SASH1: variants seen among roughly 807,000 people sequenced by gnomAD.
SASH1 encodes SAM and SH3 domain-containing protein 1.
In SASH1, 44 loss-of-function variants were observed where a neutral mutation model predicts 125.2. The observed-to-expected ratio is 0.35, with a 90% CI of 0.28 to 0.45. The LOEUF (loss-of-function observed/expected upper bound fraction) is 0.45. Among genes scored for constraint, SASH1 ranks in the 20% least tolerant of loss-of-function variants. The probability of loss-of-function intolerance (pLI) is 1.00; values close to 1 mark genes in which losing one functional copy is unlikely to be tolerated. For missense variants in SASH1, 1,426 were observed against 1,614.5 expected, an observed-to-expected ratio of 0.88 and a Z score of 2.00; for synonymous variants, 639 against 649.1, an observed-to-expected ratio of 0.98 and a Z score of 0.24.
At chr6:148,318,622 G>C (rs1376076137) in intron 1 of SASH1, among the ~76,000 whole-genome samples, 2 of 129,164 alleles carry the variant, frequency 1.5e-5, no homozygotes, top group African/African-American at 5.1e-5. Context: ...GCATGATCTT[G>C]GCTCACTGCA....
chr6:148,415,770 T>A (rs1583117846), intron 2 of SASH1, among the ~76,000 whole-genome samples: 1 of 152,168 alleles, frequency 6.6e-6, no homozygotes, highest in Non-Finnish European at 1.5e-5. Context: ...CATCCATGGC[T>A]CTGTCATTGG....
chr6:148,377,200 AAAAAACAAAACAAAC>A (rs1562363216), intron 1 of SASH1, among the ~76,000 whole-genome samples: 668 of 145,210 alleles, frequency 4.6e-3, no homozygotes, highest in Non-Finnish European at 8.3e-3. Context: ...AAAAACAAAA[AAAAAACAAAACAAAC>A]AAACAAACAA....
In SASH1 at chr6:148,461,416, T is replaced by C. The variant is rs146901499; in HGVS notation, c.387-7129T>C. ...GACAAAATGTCACCCATGTTGTCATTGATATTGATTATTCCTGGAGTTCTA... is the reference window on the plus strand; with the variant it reads ...GACAAAATGTCACCCATGTTGTCATCGATATTGATTATTCCTGGAGTTCTA... On this transcript the variant is annotated intron_variant, in intron 4 of 19. Transcript: ENST00000367467. Among the ~76,000 whole-genome samples, 834 of 152,346 alleles carry C rather than the reference T, an allele frequency of 5.5e-3. 1 individual carries two copies. Among genetic ancestry groups the C allele is most frequent in the Non-Finnish European group, 9.4e-3 (640 of 68,030 alleles).
At chr6:148,520,615 A>G (rs1780751414) in intron 10 of SASH1, among the ~76,000 whole-genome samples, 1 of 152,180 alleles carries the variant, frequency 6.6e-6, no homozygotes, top group African/African-American at 2.4e-5. Context: ...GCCCATTAAA[A>G]TAAGCATTGA....
intron 2 of SASH1, among the ~76,000 whole-genome samples, chr6:148,413,226 A>G (rs1049561873): frequency 1.6e-4 from 25 of 152,136 alleles, no homozygotes; most frequent in African/African-American, 5.8e-4. Context: ...TTAAGAGGGG[A>G]CATAGGAAAA....
intron 1 of SASH1, among the ~76,000 whole-genome samples, chr6:148,369,762 TGGC>T (rs1453240311): frequency 2.2e-4 from 33 of 152,030 alleles, no homozygotes; most frequent in Non-Finnish European, 1.5e-5. Context: ...GAGACCAGCC[TGGC>T]CAGCATGGCG....
Position 148,514,417 on chromosome 6 carries a change from CTAAT to C in SASH1, c.826_829del (p.Ile276GlyfsTer5). 9.5e-7 allele frequency: 1 copy of C among 1,055,926 alleles called. No individual in the cohort carries two copies. The highest frequency in any genetic ancestry group is 1.2e-6 in the Non-Finnish European group (1 of 800,788). The allele number at this position is 1,055,926 out of a possible 1,614,324, so 65.4% of individuals were successfully genotyped here. A position where few individuals can be genotyped will look rare whatever the true frequency, so the allele number is the denominator to read the frequency against. ...CTCCACTCGCAGAGTCAGAAAGAAA[CTAAT>C]TAGGGTGGAAGAAATGAAAAAACCC... On this transcript the variant is annotated frameshift_variant, in exon 9 of 20. Coordinates refer to ENST00000367467, the MANE Select transcript of SASH1 (RefSeq NM_015278.5). LOFTEE classifies it high-confidence loss of function.
chr6:148,473,354 A>G (rs1778198179), intron 6 of SASH1, among the ~76,000 whole-genome samples: 1 of 151,026 alleles, frequency 6.6e-6, no homozygotes, highest in Non-Finnish European at 1.5e-5. Flanking sequence ...CCGGGTTCAA[A>G]GCAATTCTCC....
chr6:148,421,016 G>A (rs1335606750), intron 2 of SASH1, among the ~76,000 whole-genome samples: 5 of 151,788 alleles, frequency 3.3e-5, no homozygotes, highest in African/African-American at 9.7e-5. Flanking sequence ...CCTGGGAGGC[G>A]GAGGTTGTGA....
intron 1 of SASH1, among the ~76,000 whole-genome samples, chr6:148,281,144 G>A (rs1400187375): frequency 4.8e-5 from 6 of 123,738 alleles, no homozygotes. Context: ...TTTTAGTAGA[G>A]ACAGGGTTTC....
chr6:148,406,378 A>G (rs988654075), intron 2 of SASH1, among the ~76,000 whole-genome samples: 2 of 152,214 alleles, frequency 1.3e-5, no homozygotes, highest in African/African-American at 2.4e-5. Context: ...CAGTTGGAAT[A>G]TGTTTAATGT....
chr6:148,198,707 C>T, the SASH1 span, among the ~76,000 whole-genome samples: 1 of 152,212 alleles, frequency 6.6e-6, no homozygotes, highest in Non-Finnish European at 1.5e-5. Flanking sequence ...AACTCTAAAG[C>T]ATCATCAACA....
chr6:148,498,944 G>T (rs78534438), intron 8 of SASH1, among the ~76,000 whole-genome samples: 4,273 of 152,230 alleles, frequency 0.028, 76 homozygotes, highest in Non-Finnish European at 0.044. Flanking sequence ...AATTTAGACT[G>T]CGGGCCATCT....
chr6:148,287,489 G>A (rs1481240678), intron 1 of SASH1, among the ~76,000 whole-genome samples: 4 of 152,122 alleles, frequency 2.6e-5, no homozygotes, highest in Admixed American at 2.6e-4. Context: ...TGTCTCCCCG[G>A]TAACATCCAT....
At chr6:148,227,838 C>G in the SASH1 span, among the ~76,000 whole-genome samples, 1 of 152,134 alleles carries the variant, frequency 6.6e-6, no homozygotes, top group Non-Finnish European at 1.5e-5. Flanking sequence ...TTATTGTCCA[C>G]TCTTCCATTA....
intron 10 of SASH1, among the ~76,000 whole-genome samples, chr6:148,521,820 C>T (rs188029460): frequency 6.6e-6 from 1 of 152,314 alleles, no homozygotes; most frequent in Admixed American, 6.5e-5. Flanking sequence ...TATGTTTTGA[C>T]ATGACCTTGA....
chr6:148,384,041 A>G (rs1377767796), intron 1 of SASH1, among the ~76,000 whole-genome samples: 1 of 152,172 alleles, frequency 6.6e-6, no homozygotes, highest in Non-Finnish European at 1.5e-5. Context: ...TTTAATTTAA[A>G]TCTTCAGCAA....
intron 2 of SASH1, among the ~76,000 whole-genome samples, chr6:148,397,177 A>G (rs916407519): frequency 6.6e-6 from 1 of 152,070 alleles, no homozygotes; most frequent in Non-Finnish European, 1.5e-5. Context: ...CATGATTACT[A>G]TGTTTTTTAA....
At chr6:148,326,070 C>T (rs1582967671) in intron 1 of SASH1, among the ~76,000 whole-genome samples, 1 of 150,646 alleles carries the variant, frequency 6.6e-6, no homozygotes, top group Non-Finnish European at 1.5e-5. Context: ...CTCTGTCACC[C>T]AGGCTGGAGT....
Sources: gnomAD v4.1 joint callset for allele counts (sites outside exome capture counted in the v4.1 genomes callset) on GRCh38, gnomAD v4.1.1 for gene constraint, MANE v1.5 for transcripts, NCBI Gene and HGNC (gene_info 2026-07-23, HGNC 2026-07-21) for gene names.